The following GNG4 variants were observed in gnomAD, a reference collection of about 807,000 sequenced individuals.
GNG4 encodes G protein subunit gamma 4, also known as guanine nucleotide-binding protein G(I)/G(S)/G(O) subunit gamma-4.
Under a neutral mutation model 5.8 loss-of-function variants are expected in GNG4, and 4 were observed. The observed-to-expected ratio is 0.69, with a 90% CI of 0.34 to 1.57. The LOEUF (loss-of-function observed/expected upper bound fraction) is 1.57. Among genes scored for constraint, GNG4 ranks in the 40% most tolerant of loss-of-function variants. The probability of loss-of-function intolerance (pLI) is 0.06; values close to 1 mark genes in which losing one functional copy is unlikely to be tolerated. For synonymous variants in GNG4, 29 were observed against 32.9 expected (o/e 0.88, Z 0.41); for missense variants, 96 against 95.1 (o/e 1.01, Z -0.04).
At chr1:235,570,903 T>C (rs1687321804) in intron 3 of GNG4, among the ~76,000 whole-genome samples, 2 of 116,878 alleles carry the variant, frequency 1.7e-5, no homozygotes, top group African/African-American at 3.7e-5. Flanking sequence ...TATATGTGTG[T>C]GTGTGTATAC....
intron 3 of GNG4, among the ~76,000 whole-genome samples, chr1:235,567,728 A>G (rs925250777): frequency 3.3e-5 from 5 of 152,342 alleles, no homozygotes. Flanking sequence ...ACATTTAGGT[A>G]GCTTCTATGC....
rs1657361772 is a variant in GNG4, at chr1:235,642,486, A to G, written c.-123+7176T>C. Among the ~76,000 whole-genome samples, 1 of 152,180 alleles carries G rather than the reference A, an allele frequency of 6.6e-6. No individual in the cohort carries two copies. Among genetic ancestry groups the G allele is most frequent in the African/African-American group, 2.4e-5 (1 of 41,446 alleles). On this transcript the variant is annotated intron_variant, in intron 1 of 3. Coordinates refer to ENST00000391854, the MANE Select transcript of GNG4 (RefSeq NM_001098722.2). The surrounding 1 kb of genome is among the most constrained non-coding windows in gnomAD (Gnocchi z 4.3). ...GAGCCAATCCGTAAGCATCAGAGGG[A>G]CAAAGAAATCATAAACAAGAGGCAG...
chr1:235,584,685 C>T (rs1054539454), intron 2 of GNG4, among the ~76,000 whole-genome samples: 2 of 123,366 alleles, frequency 1.6e-5, no homozygotes, highest in East Asian at 5.3e-4. Context: ...GTGCTACACA[C>T]ATCACAATTG....
intron 3 of GNG4, among the ~76,000 whole-genome samples, chr1:235,567,787 C>A (rs968133043): frequency 6.6e-6 from 1 of 152,190 alleles, no homozygotes; most frequent in Non-Finnish European, 1.5e-5. Context: ...ACAGATCTCT[C>A]TTCAAGACCC....
chr1:235,567,216 G>T (rs1687218633), intron 3 of GNG4, among the ~76,000 whole-genome samples: 1 of 152,052 alleles, frequency 6.6e-6, no homozygotes, highest in Non-Finnish European at 1.5e-5. Context: ...TTACAGACTT[G>T]AGCCACTGCA....
At chr1:235,580,157 AG>A (rs1413153217) in intron 3 of GNG4, among the ~76,000 whole-genome samples, 1 of 152,242 alleles carries the variant, frequency 6.6e-6, no homozygotes, top group Admixed American at 6.5e-5. Context: ...GAAATAAGAC[AG>A]GAACAAAAAG....
At chr1:235,561,137 G>A (rs543158425) in intron 3 of GNG4, among the ~76,000 whole-genome samples, 113 of 152,106 alleles carry the variant, frequency 7.4e-4, no homozygotes, top group Non-Finnish European at 1.2e-3. Flanking sequence ...AGCCTCCCGA[G>A]TAGCTGGGAC....
chr1:235,590,991 C>T (rs2774317), intron 2 of GNG4, among the ~76,000 whole-genome samples: 62,932 of 151,966 alleles, frequency 0.41, 13,817 homozygotes, highest in East Asian at 0.84. Context: ...GGGTAGGGGC[C>T]GAGATCCTGC....
At chr1:235,636,129 G>A (rs1689030574) in intron 1 of GNG4, among the ~76,000 whole-genome samples, 1 of 152,076 alleles carries the variant, frequency 6.6e-6, no homozygotes, top group Admixed American at 6.5e-5. Flanking sequence ...TCTGTAGAGG[G>A]AGAATATCCT....
chr1:235,576,727 C>T (rs1687493226), intron 3 of GNG4, among the ~76,000 whole-genome samples: 1 of 152,006 alleles, frequency 6.6e-6, no homozygotes, highest in African/African-American at 2.4e-5. Context: ...GGGAGAAGGG[C>T]CAAGTAGCAG....
rs948693889 is a variant in GNG4, at chr1:235,611,972, G to A, written c.-122-16461C>T. Reference sequence around the variant, plus strand: ...CCAGATACTCAGGAGGCTGAGGCATGAGAATTGCTTGAGCCTGGGAGGTTG... The same window carrying A: ...CCAGATACTCAGGAGGCTGAGGCATAAGAATTGCTTGAGCCTGGGAGGTTG... On this transcript the variant is annotated intron_variant, in intron 1 of 3. Coordinates refer to ENST00000391854, the MANE Select transcript of GNG4 (RefSeq NM_001098722.2). 2.7e-5 allele frequency among the ~76,000 whole-genome samples: 4 copies of A among 146,292 alleles called. No homozygotes were observed. In the East Asian group the frequency reaches 8.2e-4, roughly 30 times the overall value.
At chr1:235,638,482 ATTT>A (rs34999365) in intron 1 of GNG4, among the ~76,000 whole-genome samples, 30 of 147,536 alleles carry the variant, frequency 2.0e-4, no homozygotes, top group South Asian at 2.1e-4. Flanking sequence ...CTCCTCCTGC[ATTT>A]TTTTTTTTTT....
chr1:235,559,228 T>C (rs772194286), intron 3 of GNG4, among the ~76,000 whole-genome samples: 14 of 152,318 alleles, frequency 9.2e-5, no homozygotes, highest in Non-Finnish European at 1.8e-4. Context: ...CAGTTAATGG[T>C]ACAGCCAGGT....
At chr1:235,579,024 G>A (rs1014906559) in intron 3 of GNG4, among the ~76,000 whole-genome samples, 1 of 151,100 alleles carries the variant, frequency 6.6e-6, no homozygotes, top group South Asian at 2.1e-4. Flanking sequence ...TTGAACCCGC[G>A]AGGCAGGGGT....
chr1:235,632,010 G>A (rs1056862112), intron 1 of GNG4, among the ~76,000 whole-genome samples: 3 of 152,182 alleles, frequency 2.0e-5, no homozygotes, highest in Non-Finnish European at 4.4e-5. Context: ...CACCAGCAGA[G>A]GGCTGTGTGC....
At chr1:235,611,171 CTTT>C (rs983215576) in intron 1 of GNG4, among the ~76,000 whole-genome samples, 2 of 143,526 alleles carry the variant, frequency 1.4e-5, no homozygotes, top group Non-Finnish European at 3.1e-5. Flanking sequence ...CTCTCTCTCT[CTTT>C]TTTTTTTTTT....
intron 1 of GNG4, among the ~76,000 whole-genome samples, chr1:235,606,227 A>C (rs1688357339): frequency 6.6e-6 from 1 of 152,110 alleles, no homozygotes; most frequent in Non-Finnish European, 1.5e-5. Flanking sequence ...TAAAAAATAC[A>C]AAAAATTAGC....
intron 3 of GNG4, among the ~76,000 whole-genome samples, chr1:235,560,996 G>C (rs1034880805): frequency 6.6e-6 from 1 of 152,122 alleles, no homozygotes; most frequent in African/African-American, 2.4e-5. Flanking sequence ...TGATGTGTCT[G>C]ATCAGAAATT....
intron 3 of GNG4, among the ~76,000 whole-genome samples, chr1:235,555,754 CATG>C (rs1472225761): frequency 6.6e-6 from 1 of 151,230 alleles, no homozygotes; most frequent in Non-Finnish European, 1.5e-5. Context: ...TGGTGTACAA[CATG>C]ATGTTTTGAT....
Sources: gnomAD v4.1 joint callset for allele counts (sites outside exome capture counted in the v4.1 genomes callset) on GRCh38, gnomAD v4.1.1 for gene constraint, Gnocchi (gnomAD v3.1) non-coding constraint, MANE v1.5 for transcripts, NCBI Gene and HGNC (gene_info 2026-07-23, HGNC 2026-07-21) for gene names.